The following PRKACB variants were observed in gnomAD, a reference collection of about 807,000 sequenced individuals.
The protein encoded by PRKACB is cAMP-dependent protein kinase catalytic subunit beta.
In PRKACB, 16 loss-of-function variants were observed where a neutral mutation model predicts 51.4. That is an observed-to-expected ratio of 0.31 (90% CI 0.21 to 0.47). The LOEUF is 0.47. Ranked by LOEUF, PRKACB falls within the 20% of genes least tolerant of loss-of-function variation. PRKACB has a pLI of 1.00. For missense variants in PRKACB, 309 were observed against 464.5 expected (o/e 0.67, Z 3.08); for synonymous variants, 147 against 154.4 (o/e 0.95, Z 0.35).
chr1:84,202,952 ATT>A, intron 8 of PRKACB, 147 bp downstream of exon 8: 1 of 752,584 alleles, frequency 1.3e-6, no homozygotes, highest in Non-Finnish European at 1.9e-6. Flanking sequence ...TATCATAAGA[ATT>A]GAATCATTTC....
At chr1:84,215,051 G>C (rs1196370324) in intron 9 of PRKACB, among the ~76,000 whole-genome samples, 1 of 152,180 alleles carries the variant, frequency 6.6e-6, no homozygotes, top group Non-Finnish European at 1.5e-5. Flanking sequence ...TTCCTTGTTA[G>C]TCTTCATTTT....
At chr1:84,229,302 G>A (rs1675188540) in intron 9 of PRKACB, among the ~76,000 whole-genome samples, 2 of 31,476 alleles carry the variant, frequency 6.4e-5, no homozygotes, top group African/African-American at 1.0e-4. Flanking sequence ...TGGTGTATAT[G>A]TGCCACATTT....
At chr1:84,139,324 A>G (rs1653151317), upstream of PRKACB, among the ~76,000 whole-genome samples, 1 of 152,198 alleles carries the variant, frequency 6.6e-6, no homozygotes, top group Non-Finnish European at 1.5e-5. Flanking sequence ...TGAGTTTAGC[A>G]ACAATAATAT....
chr1:84,197,442 T>G (rs1338791046), intron 6 of PRKACB, among the ~76,000 whole-genome samples: 1 of 152,130 alleles, frequency 6.6e-6, no homozygotes, highest in Admixed American at 6.6e-5. Context: ...TACCTTTTAT[T>G]TTCACTTTTT....
In PRKACB at chr1:84,222,326, G is replaced by A. The variant is rs139322153; in HGVS notation, c.1071+8009G>A. On this transcript the variant is annotated intron_variant, in intron 9 of 9. Coordinates refer to ENST00000370685, the MANE Select transcript of PRKACB (RefSeq NM_182948.4). ...TCTGTGTGTTTACAGGTGAAGTGAG[G>A]TTTTTTGTAAGCAGCATATAGTTAG... 1.8e-3 allele frequency among the ~76,000 whole-genome samples: 277 copies of A among 152,100 alleles called. 6 individuals carry two copies. The highest frequency in any genetic ancestry group is 0.014 in the Middle Eastern group (4 of 294).
chr1:84,227,027 G>T (rs12070215), intron 9 of PRKACB, among the ~76,000 whole-genome samples: 3 of 152,056 alleles, frequency 2.0e-5, no homozygotes, highest in Non-Finnish European at 4.4e-5. Context: ...TAATCATGGG[G>T]TATTAACATT....
chr1:84,231,353 G>A (rs1206953263), intron 9 of PRKACB, among the ~76,000 whole-genome samples: 2 of 152,194 alleles, frequency 1.3e-5, no homozygotes, highest in Non-Finnish European at 2.9e-5. Context: ...TTGCATCAAT[G>A]TTCATCAAGG....
chr1:84,168,628 T>C (rs912436769), intron 1 of PRKACB, among the ~76,000 whole-genome samples: 1 of 151,642 alleles, frequency 6.6e-6, no homozygotes, highest in Non-Finnish European at 1.5e-5. Flanking sequence ...TAAAGATGGT[T>C]ATTTGCCCAA....
At chr1:84,207,850 A>G (rs563223750) in intron 8 of PRKACB, among the ~76,000 whole-genome samples, 12 of 139,478 alleles carry the variant, frequency 8.6e-5, no homozygotes, top group Middle Eastern at 7.2e-3. Context: ...ATTTTATTTC[A>G]TTTTCTTCTT....
chr1:84,130,512 T>G (rs189216877), intron 1 of PRKACB, among the ~76,000 whole-genome samples: 1 of 152,308 alleles, frequency 6.6e-6, no homozygotes, highest in Admixed American at 6.5e-5. Flanking sequence ...GAAAAGAGCC[T>G]TAAGAATCTG....
Position 84,213,424 on chromosome 1 carries a change from G to C in PRKACB, c.907-729G>C, listed in dbSNP as rs1032679371. On this transcript the variant is annotated intron_variant, in intron 8 of 9. Transcript: ENST00000370685. ...CAAAACAAAATGAAAAATAGACTTA[G>C]GTCTCCTATAAATGTTACTTTAACC... Among the ~76,000 whole-genome samples the C allele has an allele frequency of 2.0e-5, 3 of 152,182 alleles. No individual in the cohort carries two copies. In the South Asian group the frequency reaches 6.2e-4, roughly 32 times the overall value.
At chr1:84,124,855 T>C (rs147535555) in intron 1 of PRKACB, among the ~76,000 whole-genome samples, 74 of 152,312 alleles carry the variant, frequency 4.9e-4, no homozygotes, top group Non-Finnish European at 9.3e-4. Context: ...TGAAATTTTC[T>C]CATCAACACG....
chr1:84,154,648 A>T (rs1655236192), intron 1 of PRKACB, among the ~76,000 whole-genome samples: 1 of 152,168 alleles, frequency 6.6e-6, no homozygotes, highest in Non-Finnish European at 1.5e-5. Context: ...ATGAACATAG[A>T]TGCAAAAATT....
upstream of PRKACB, among the ~76,000 whole-genome samples, chr1:84,143,938 T>C (rs902089014): frequency 6.6e-6 from 1 of 152,160 alleles, no homozygotes; most frequent in African/African-American, 2.4e-5. Flanking sequence ...CTAGAAAAAA[T>C]ACAACCTGTC....
At chr1:84,174,038 A>G (rs1354201673) in intron 1 of PRKACB, among the ~76,000 whole-genome samples, 2 of 151,758 alleles carry the variant, frequency 1.3e-5, no homozygotes, top group African/African-American at 4.8e-5. Flanking sequence ...TGGTTCCCGG[A>G]AGAAATAGAA....
intron 2 of PRKACB, among the ~76,000 whole-genome samples, chr1:84,180,023 CT>C (rs1662710978): frequency 7.5e-6 from 1 of 133,108 alleles, no homozygotes; most frequent in Admixed American, 7.9e-5. Flanking sequence ...TCAACTCCCA[CT>C]TATGAGTGAG....
At chr1:84,169,185 TAC>T (rs1658549545) in intron 1 of PRKACB, among the ~76,000 whole-genome samples, 1 of 151,662 alleles carries the variant, frequency 6.6e-6, no homozygotes, top group Admixed American at 6.6e-5. Flanking sequence ...ACGATAAAGT[TAC>T]AGTCTCCAAG....
chr1:84,146,626 A>G (rs1654126057), intron 1 of PRKACB, among the ~76,000 whole-genome samples: 1 of 152,018 alleles, frequency 6.6e-6, no homozygotes, highest in Admixed American at 6.6e-5. Context: ...TCTCCTGATG[A>G]TAAACACTGA....
chr1:84,230,904 A>G (rs1219168433), intron 9 of PRKACB, among the ~76,000 whole-genome samples: 2 of 142,536 alleles, frequency 1.4e-5, no homozygotes, highest in African/African-American at 2.8e-5. Context: ...CTCTTTTCCT[A>G]ATTGAATACC....
Sources: gnomAD v4.1 joint callset for allele counts (sites outside exome capture counted in the v4.1 genomes callset) on GRCh38, gnomAD v4.1.1 for gene constraint, MANE v1.5 for transcripts, NCBI Gene and HGNC (gene_info 2026-07-23, HGNC 2026-07-21) for gene names.